LPP: variants seen among roughly 807,000 people sequenced by gnomAD.
LPP encodes lipoma-preferred partner.
Under a neutral mutation model 60.4 loss-of-function variants are expected in LPP, and 38 were observed. That is an observed-to-expected ratio of 0.63 (90% CI 0.49 to 0.83). LPP has a LOEUF of 0.83. Among genes scored for constraint, LPP ranks in the 40% least tolerant of loss-of-function variants. LPP has a pLI of 0.00. For synonymous variants in LPP, 328 were observed against 290.8 expected, an observed-to-expected ratio of 1.13 and a Z score of -1.30; for missense variants, 902 against 783.6, an observed-to-expected ratio of 1.15 and a Z score of -1.80.
rs529020614 is a variant in LPP at position 188,664,940 on chromosome 3, T to C, written c.1114-43327T>C. On this transcript the variant is annotated intron_variant, in intron 7 of 11. Coordinates refer to ENST00000617246, the MANE Select transcript of LPP (RefSeq NM_001375462.1). ...TGGCCTGTACATGGCAGGACCTGAGTGTGCCAGGTCTCCAGCCTTTACACT... is the reference window on the plus strand; with the variant it reads ...TGGCCTGTACATGGCAGGACCTGAGCGTGCCAGGTCTCCAGCCTTTACACT... Among the ~76,000 whole-genome samples the C allele has an allele frequency of 1.1e-4, 16 of 152,214 alleles. No homozygotes were observed. The South Asian group carries it at 3.3e-3, about 32-fold the overall frequency.
intron 2 of LPP, among the ~76,000 whole-genome samples, chr3:188,273,114 A>G (rs950414915): frequency 6.6e-6 from 1 of 152,152 alleles, no homozygotes; most frequent in Non-Finnish European, 1.5e-5. Flanking sequence ...CCTACCCAGT[A>G]AAGCAGGATA....
At chr3:188,299,023 C>G (rs552860857) in intron 2 of LPP, among the ~76,000 whole-genome samples, 4 of 152,336 alleles carry the variant, frequency 2.6e-5, no homozygotes, top group African/African-American at 7.2e-5. Flanking sequence ...CACACTCTCT[C>G]TCTAACTTAT....
chr3:188,512,325 A>G (rs1490433590), intron 5 of LPP, among the ~76,000 whole-genome samples: 3 of 152,166 alleles, frequency 2.0e-5, no homozygotes, highest in Non-Finnish European at 4.4e-5. Context: ...TGGGAGGCCT[A>G]GGCGGGTGGA....
chr3:188,581,649 A>T (rs1836160664), intron 6 of LPP, among the ~76,000 whole-genome samples: 1 of 151,896 alleles, frequency 6.6e-6, no homozygotes, highest in African/African-American at 2.4e-5. Flanking sequence ...ACTCATCTGT[A>T]ACTCTCATCT....
chr3:188,797,137 C>CCTCCTCCTG, intron 9 of LPP, among the ~76,000 whole-genome samples: 1 of 151,836 alleles, frequency 6.6e-6, no homozygotes, highest in South Asian at 2.1e-4. Flanking sequence ...TCCTCCTCCT[C>CCTCCTCCTG]CTCTTCCTCT....
intron 7 of LPP, among the ~76,000 whole-genome samples, chr3:188,688,173 T>C (rs1861283944): frequency 6.6e-6 from 1 of 152,204 alleles, no homozygotes; most frequent in Non-Finnish European, 1.5e-5. Flanking sequence ...TAAACCCATA[T>C]CCTTTAGATG....
At chr3:188,760,980 T>C (rs1055016752) in intron 9 of LPP, among the ~76,000 whole-genome samples, 1 of 152,228 alleles carries the variant, frequency 6.6e-6, no homozygotes, top group African/African-American at 2.4e-5. Flanking sequence ...ACAATGCTAC[T>C]TACTTAATCT....
At chr3:188,475,645 A>G (rs1400091450) in intron 4 of LPP, among the ~76,000 whole-genome samples, 1 of 151,918 alleles carries the variant, frequency 6.6e-6, no homozygotes, top group African/African-American at 2.4e-5. Context: ...GCTCACGCCT[A>G]TAATCCCAGC....
At chr3:188,335,276 G>A (rs1392617639) in intron 2 of LPP, among the ~76,000 whole-genome samples, 1 of 152,172 alleles carries the variant, frequency 6.6e-6, no homozygotes, top group Admixed American at 6.5e-5. Context: ...TGCTTTTTCT[G>A]CATCTAATGA....
At chr3:188,743,512 G>A (rs1214715658) in intron 8 of LPP, 3 of 152,142 alleles carry the variant, frequency 2.0e-5, no homozygotes, top group East Asian at 3.9e-4. Context: ...TCCAGTCTGT[G>A]TGTGTTAACA....
chr3:188,826,709 A>T lies in LPP; in HGVS notation c.1411-39491A>T, dbSNP rs1300576965. On this transcript the variant is annotated intron_variant, in intron 9 of 11. Transcript: ENST00000617246. Reference sequence around the variant, plus strand: ...ACCCTGTTCTTTAAGACTCAACTCAAATACCTCTGCCTCAAAAACATATTG... The same window carrying T: ...ACCCTGTTCTTTAAGACTCAACTCATATACCTCTGCCTCAAAAACATATTG... Among the ~76,000 whole-genome samples, 5 of 151,910 alleles carry T rather than the reference A, an allele frequency of 3.3e-5. 1 individual carries two copies.
intron 6 of LPP, among the ~76,000 whole-genome samples, chr3:188,592,563 T>TGTTTTTTTTTTTTTTTTTTTTTTTTTTGG: frequency 1.3e-5 from 1 of 77,226 alleles, no homozygotes; most frequent in Non-Finnish European, 2.8e-5. Context: ...TTTTGTTTTT[T>TGTTTTTTTTTTTTTTTTTTTTTTTTTTGG]AAATGGAGTC....
chr3:188,484,567 C>T, intron 4 of LPP, 25 bp from the exon 5 acceptor site: 1 of 1,510,842 alleles, frequency 6.6e-7, no homozygotes, highest in Non-Finnish European at 9.2e-7. Context: ...TTATTAACTT[C>T]ATGTTGTTTA....
intron 6 of LPP, among the ~76,000 whole-genome samples, chr3:188,596,624 A>T (rs192973316): frequency 6.6e-6 from 1 of 152,296 alleles, no homozygotes; most frequent in African/African-American, 2.4e-5. Context: ...AGGAAAAAAA[A>T]AACTGAGCAA....
At chr3:188,336,591 G>A (rs531734812) in intron 2 of LPP, among the ~76,000 whole-genome samples, 11 of 152,254 alleles carry the variant, frequency 7.2e-5, no homozygotes, top group African/African-American at 1.4e-4. Flanking sequence ...GACCACATGC[G>A]GTAGCAGTAC....
At chr3:188,337,749 C>T (rs1762048961) in intron 2 of LPP, among the ~76,000 whole-genome samples, 2 of 152,200 alleles carry the variant, frequency 1.3e-5, no homozygotes. Flanking sequence ...ATCCACTCAC[C>T]TTGGCCTCCC....
chr3:188,353,888 A>G (rs777246537), intron 3 of LPP, among the ~76,000 whole-genome samples: 8 of 152,166 alleles, frequency 5.3e-5, no homozygotes, highest in Non-Finnish European at 1.2e-4. Context: ...ATTTAGGCAC[A>G]TATGTAATAT....
At chr3:188,756,051 G>A (rs934402025) in intron 8 of LPP, among the ~76,000 whole-genome samples, 1 of 152,004 alleles carries the variant, frequency 6.6e-6, no homozygotes, top group African/African-American at 2.4e-5. Context: ...GTAAATCAGA[G>A]ATATCAGAAC....
Position 188,449,285 on chromosome 3 carries a change from G to A in LPP, c.194-35307G>A, listed in dbSNP as rs532451470. On this transcript the variant is annotated intron_variant, in intron 4 of 11. Transcript: ENST00000617246. ...AAGAGGCTCTCTCTTGTTTTTGATT[G>A]ACTTTCTTTTTCTTTCTTTTCTTTT... Among the ~76,000 whole-genome samples the A allele has an allele frequency of 1.4e-3, 218 of 152,210 alleles. 2 individuals are homozygous for A. The highest frequency in any genetic ancestry group is 5.1e-3 in the African/African-American group (211 of 41,542).
Sources: gnomAD v4.1 joint callset for allele counts (sites outside exome capture counted in the v4.1 genomes callset) on GRCh38, gnomAD v4.1.1 for gene constraint, MANE v1.5 for transcripts, NCBI Gene and HGNC (gene_info 2026-07-23, HGNC 2026-07-21) for gene names.